The following THSD7B variants were observed in gnomAD, a reference collection of about 807,000 sequenced individuals.
The protein encoded by THSD7B is thrombospondin type-1 domain-containing protein 7B.
THSD7B carries 138 observed loss-of-function variants against 213.6 expected under a neutral mutation model. The observed-to-expected ratio is 0.65, with a 90% CI of 0.56 to 0.74. The LOEUF (loss-of-function observed/expected upper bound fraction) is 0.74. THSD7B is among the 30% of genes least tolerant of loss of function. THSD7B has a pLI of 0.00. For synonymous variants in THSD7B, 742 were observed against 687.0 expected, an observed-to-expected ratio of 1.08 and a Z score of -1.25; for missense variants, 1,931 against 1,991.5, an observed-to-expected ratio of 0.97 and a Z score of 0.58.
At chr2:137,260,362 A>G (rs1237107105) in intron 10 of THSD7B, among the ~76,000 whole-genome samples, 1 of 152,164 alleles carries the variant, frequency 6.6e-6, no homozygotes, top group African/African-American at 2.4e-5. Context: ...CTGCATGTGT[A>G]TGTGGGCATG....
At chr2:136,906,474 A>G (rs1474870225) in intron 2 of THSD7B, 1 of 152,154 alleles carries the variant, frequency 6.6e-6, no homozygotes, top group Admixed American at 6.6e-5. Context: ...GAAAGCACTT[A>G]TTGGAGAGGG....
At position 137,141,312 on chromosome 2, in the gene THSD7B, T is replaced by A. The variant is rs1338496838; in HGVS notation, c.1370-18901T>A. On this transcript the variant is annotated intron_variant, in intron 5 of 27. Transcript: ENST00000409968. ...GCTTGAGAGCAGGGATAAGGATACA[T>A]CTTCTGTAGAGAATTTATAACAAAA... Among the ~76,000 whole-genome samples the A allele has an allele frequency of 2.6e-5, 4 of 152,034 alleles. No individual in the cohort carries two copies. The South Asian group carries it at 8.3e-4, about 32-fold the overall frequency.
chr2:137,484,026 T>C (rs1688367257), intron 15 of THSD7B, among the ~76,000 whole-genome samples: 1 of 152,006 alleles, frequency 6.6e-6, no homozygotes, highest in Non-Finnish European at 1.5e-5. Context: ...TTTTTTATTT[T>C]ATTATTATTA....
intron 3 of THSD7B, among the ~76,000 whole-genome samples, chr2:137,073,959 A>G (rs1029743369): frequency 6.6e-6 from 1 of 152,128 alleles, no homozygotes; most frequent in Non-Finnish European, 1.5e-5. Flanking sequence ...ACAGTTTGTT[A>G]TAATTTCTGT....
chr2:137,624,851 AT>A (rs1265346281), intron 20 of THSD7B, among the ~76,000 whole-genome samples: 1 of 152,238 alleles, frequency 6.6e-6, no homozygotes, highest in African/African-American at 2.4e-5. Flanking sequence ...ATGTGGAGAA[AT>A]AGGAACACTT....
intron 15 of THSD7B, among the ~76,000 whole-genome samples, chr2:137,552,327 G>A (rs1023954751): frequency 1.3e-5 from 2 of 152,136 alleles, no homozygotes; most frequent in Admixed American, 6.6e-5. Flanking sequence ...AAGGTGTTCA[G>A]TATCTCTTGG....
chr2:136,767,981 TAGAC>T (rs1255345225), intron 1 of THSD7B, among the ~76,000 whole-genome samples: 7 of 152,214 alleles, frequency 4.6e-5, no homozygotes, highest in African/African-American at 1.2e-4. Context: ...GGAACACTGT[TAGAC>T]AGGTAGAAAA....
intron 14 of THSD7B, among the ~76,000 whole-genome samples, chr2:137,425,728 A>G (rs1430335841): frequency 6.6e-6 from 1 of 152,166 alleles, no homozygotes; most frequent in East Asian, 1.9e-4. Context: ...CACAGCTAAC[A>G]TTGTCCTCAA....
At chr2:137,638,490 G>C (rs920784713) in intron 20 of THSD7B, among the ~76,000 whole-genome samples, 1 of 152,052 alleles carries the variant, frequency 6.6e-6, no homozygotes, top group Non-Finnish European at 1.5e-5. Flanking sequence ...TCCCAGTCTT[G>C]GATATGTCTT....
intron 15 of THSD7B, among the ~76,000 whole-genome samples, chr2:137,468,552 G>GTC (rs922548122): frequency 5.6e-4 from 81 of 144,426 alleles, no homozygotes; most frequent in African/African-American, 2.0e-3. Flanking sequence ...ATGAGGGAAA[G>GTC]TCTGTGTGCC....
intron 5 of THSD7B, among the ~76,000 whole-genome samples, chr2:137,132,708 TCAGA>T (rs1449578356): frequency 6.6e-6 from 1 of 152,198 alleles, no homozygotes; most frequent in Non-Finnish European, 1.5e-5. Context: ...CAAACCTCTC[TCAGA>T]CAGTGATTTC....
In THSD7B at chr2:137,089,266, G is replaced by GTGTGTGTACGTATATATACATATATA. The variant is rs1558916442; in HGVS notation, c.951-5600_951-5599insACGTATATATACATATATATGTGTGT. 2.2e-3 allele frequency among the ~76,000 whole-genome samples: 284 copies of GTGTGTGTACGTATATATACATATATA among 129,480 alleles called. 1 individual carries two copies. The highest frequency in any genetic ancestry group is 0.011 in the African/African-American group (263 of 24,846). The allele number at this position is 129,480 out of a possible 152,430, so 84.9% of individuals were successfully genotyped here. On this transcript the variant is annotated intron_variant, in intron 3 of 27. Coordinates refer to ENST00000409968, the MANE Select transcript of THSD7B (RefSeq NM_001316349.2). ...AAGTGGTGTGTGTGTGTGTGTGTGT[G>GTGTGTGTACGTATATATACATATATA]TGTGTGTGTATATGTATATATACAT... is the stretch of plus-strand genomic sequence containing the variant.
intron 14 of THSD7B, among the ~76,000 whole-genome samples, chr2:137,419,809 C>T (rs1384550551): frequency 1.3e-5 from 2 of 151,822 alleles, no homozygotes; most frequent in African/African-American, 2.4e-5. Context: ...CCCTGTCTGC[C>T]TAGGATTTGT....
chr2:137,222,914 T>C lies in THSD7B; in HGVS notation c.1724-8130T>C, dbSNP rs548703094. Among the ~76,000 whole-genome samples the C allele has an allele frequency of 1.4e-4, 22 of 152,302 alleles. No homozygotes were observed. The South Asian group carries it at 2.7e-3, about 19-fold the overall frequency. On this transcript the variant is annotated intron_variant, in intron 7 of 27. Transcript: ENST00000409968. ...GGGAGGATGTGGAGAAGATAGTAGATAGTGAGAGTCCCTGGCCTCTCTCAT... is the reference window on the plus strand; with the variant it reads ...GGGAGGATGTGGAGAAGATAGTAGACAGTGAGAGTCCCTGGCCTCTCTCAT...
intron 1 of THSD7B, among the ~76,000 whole-genome samples, chr2:136,768,711 G>T (rs903602725): frequency 6.6e-6 from 1 of 152,170 alleles, no homozygotes; most frequent in South Asian, 2.1e-4. Flanking sequence ...ATTGGGTATT[G>T]TATTATCAAA....
At chr2:137,211,130 G>A (rs538537480) in intron 7 of THSD7B, among the ~76,000 whole-genome samples, 11 of 151,850 alleles carry the variant, frequency 7.2e-5, no homozygotes, top group African/African-American at 2.2e-4. Context: ...CAAAGGTATC[G>A]GCGTGACCTC....
intron 6 of THSD7B, among the ~76,000 whole-genome samples, chr2:137,165,106 T>A (rs1042300224): frequency 2.6e-5 from 4 of 152,212 alleles, no homozygotes; most frequent in African/African-American, 9.6e-5. Flanking sequence ...AAGGTGGTAC[T>A]GTCCCCACAG....
chr2:137,357,359 A>G (rs2104929410), intron 12 of THSD7B, among the ~76,000 whole-genome samples: 1 of 152,050 alleles, frequency 6.6e-6, no homozygotes, highest in East Asian at 1.9e-4. Context: ...TAACATCTCC[A>G]TTTGTTGTTT....
At chr2:137,286,665 C>A (rs556797698) in intron 12 of THSD7B, among the ~76,000 whole-genome samples, 11 of 151,644 alleles carry the variant, frequency 7.3e-5, no homozygotes, top group African/African-American at 2.6e-4. Context: ...AGCAAAAAAA[C>A]AGAGATAGTC....
Sources: allele counts gnomAD v4.1 joint callset (sites outside exome capture counted in the v4.1 genomes callset), GRCh38; gene constraint gnomAD v4.1.1; transcripts MANE v1.5; gene names NCBI Gene and HGNC (gene_info 2026-07-23, HGNC 2026-07-21).